MSH4: variants seen among roughly 807,000 people sequenced by gnomAD.
MSH4 encodes mutS protein homolog 4.
Under a neutral mutation model 113.7 loss-of-function variants are expected in MSH4, and 106 were observed. That is an observed-to-expected ratio of 0.93 (90% CI 0.80 to 1.10). The LOEUF is 1.10. Ranked by LOEUF, MSH4 falls within the 50% of genes least tolerant of loss-of-function variation. MSH4 has a pLI of 0.00. For synonymous variants in MSH4, 368 were observed against 380.2 expected (o/e 0.97, Z 0.37); for missense variants, 1,061 against 1,093.7 (o/e 0.97, Z 0.42).
chr1:75,858,689 C>G (rs1455877271), intron 8 of MSH4, among the ~76,000 whole-genome samples: 3 of 152,094 alleles, frequency 2.0e-5, no homozygotes, highest in African/African-American at 7.2e-5. Flanking sequence ...TGCGGATTCT[C>G]ACATTGATGT....
At chr1:75,815,261 C>G (rs1349895837) in intron 5 of MSH4, 125 bp downstream of exon 5, 2 of 521,698 alleles carry the variant, frequency 3.8e-6, no homozygotes, top group East Asian at 3.5e-5. Context: ...GGACTTTTGT[C>G]TGTTTTGTTC....
intron 13 of MSH4, 128 bp from the exon 14 acceptor site, chr1:75,881,118 T>C (rs547782085): frequency 4.4e-6 from 3 of 682,644 alleles, no homozygotes; most frequent in Admixed American, 7.2e-5. Flanking sequence ...ATAGGCTTTA[T>C]CTATAGTGTA....
chr1:75,904,817 A>G (rs538079137), intron 19 of MSH4, among the ~76,000 whole-genome samples: 4 of 152,104 alleles, frequency 2.6e-5, no homozygotes, highest in Non-Finnish European at 5.9e-5. Context: ...TCATGCTTCA[A>G]TCTTGGTAAG....
At position 75,796,923 on chromosome 1, in the gene MSH4, T is replaced by A; in HGVS notation, c.-63T>A. 6.3e-7 allele frequency: 1 copy of A among 1,598,752 alleles called. No individual in the cohort carries two copies. Among genetic ancestry groups the A allele is most frequent in the Non-Finnish European group, 8.5e-7 (1 of 1,171,176 alleles). ...CGTTTCAGCGGCGCAGCTTCTGTAG[T>A]TGGGCTACTGGAGGGGTCGCTCAGA... On this transcript the variant is annotated 5_prime_UTR_variant, in exon 1 of 20. In the 5' UTR this introduces an upstream ATG that the reference lacks. Coordinates refer to ENST00000263187, the MANE Select transcript of MSH4 (RefSeq NM_002440.4).
chr1:75,831,159 T>C (rs764649280), intron 7 of MSH4, among the ~76,000 whole-genome samples: 36 of 152,096 alleles, frequency 2.4e-4, no homozygotes, highest in Non-Finnish European at 4.6e-4. Flanking sequence ...ATAAAACAGA[T>C]TTTAAACCAA....
intron 17 of MSH4, among the ~76,000 whole-genome samples, chr1:75,892,695 G>A (rs949272864): frequency 3.3e-5 from 5 of 151,860 alleles, no homozygotes; most frequent in African/African-American, 9.7e-5. Flanking sequence ...TTGCCAGCTC[G>A]GGCCCCCACC....
chr1:75,884,774 C>CCTTAA (rs1652023485), intron 15 of MSH4, among the ~76,000 whole-genome samples: 1 of 151,408 alleles, frequency 6.6e-6, no homozygotes, highest in Admixed American at 6.6e-5. Context: ...ATAAATTCAC[C>CCTTAA]CTTAGTACTG....
intron 19 of MSH4, among the ~76,000 whole-genome samples, chr1:75,903,939 G>C (rs937356801): frequency 3.3e-5 from 5 of 152,024 alleles, no homozygotes; most frequent in African/African-American, 1.2e-4. Flanking sequence ...TCCCTGTTTT[G>C]TTCCAGAAGT....
chr1:75,828,533 A>T (rs1159982319), intron 7 of MSH4, among the ~76,000 whole-genome samples: 2 of 152,186 alleles, frequency 1.3e-5, no homozygotes, highest in Non-Finnish European at 2.9e-5. Flanking sequence ...GGAGGCCATT[A>T]TTCTAAGTGA....
chr1:75,912,873 A>G lies in MSH4; in HGVS notation c.2797A>G (p.Lys933Glu), dbSNP rs1227136387. 9 of 1,523,102 alleles carry G rather than the reference A, an allele frequency of 5.9e-6. No individual in the cohort carries two copies. The highest frequency in any genetic ancestry group is 7.0e-6 in the Non-Finnish European group (8 of 1,137,544). The allele number at this position is 1,523,102 out of a possible 1,614,324, so 94.3% of individuals were successfully genotyped here. ...TCCCAGGACTGAACAAGTTCCAGAA[A>G]AGACTGAAGAATAATCACAATTCTA... ...DFPRTEQVPE[K>E]TEE The change falls in exon 20 of 20, where the codon AAG becomes GAG. Residue 933 changes from lysine to glutamate, a missense_variant. By Grantham distance (56) the Lys-to-Glu change is moderately conservative. Coordinates refer to ENST00000263187, the MANE Select transcript of MSH4 (RefSeq NM_002440.4).
chr1:75,831,843 A>G (rs111802537), intron 7 of MSH4, among the ~76,000 whole-genome samples: 31,485 of 152,102 alleles, frequency 0.21, 3,813 homozygotes, highest in African/African-American at 0.3. Flanking sequence ...GGAAAGATCT[A>G]AAATTGACAC....
chr1:75,907,557 G>A (rs1328219178), intron 19 of MSH4, among the ~76,000 whole-genome samples: 4 of 151,074 alleles, frequency 2.6e-5, no homozygotes, highest in African/African-American at 9.7e-5. Context: ...TCTAGGTTTA[G>A]TAGGTTTTCC....
At chr1:75,907,709 T>TATATATATATATATATATATAC (rs1652697930) in intron 19 of MSH4, among the ~76,000 whole-genome samples, 1 of 133,914 alleles carries the variant, frequency 7.5e-6, no homozygotes, top group Non-Finnish European at 1.6e-5. Flanking sequence ...TATATATATA[T>TATATATATATATATATATATAC]ATATATATAT....
At chr1:75,891,358 T>TA (rs1652248719) in intron 17 of MSH4, among the ~76,000 whole-genome samples, 1 of 152,138 alleles carries the variant, frequency 6.6e-6, no homozygotes, top group African/African-American at 2.4e-5. Context: ...AAAACTGAAA[T>TA]AAAAATACTT....
At chr1:75,879,497 A>G (rs1162987621) in intron 12 of MSH4, among the ~76,000 whole-genome samples, 3 of 152,240 alleles carry the variant, frequency 2.0e-5, no homozygotes, top group Non-Finnish European at 4.4e-5. Context: ...TAATATTTCC[A>G]AACCTTTGTA....
intron 17 of MSH4, among the ~76,000 whole-genome samples, chr1:75,897,138 A>T (rs1037939201): frequency 6.6e-6 from 1 of 152,210 alleles, no homozygotes; most frequent in Non-Finnish European, 1.5e-5. Flanking sequence ...TATCTGCCTT[A>T]GTAAATTCTG....
Position 75,806,976 on chromosome 1 carries a change from T to C in MSH4, c.428-5T>C. On this transcript the variant is annotated splice_region_variant and splice_polypyrimidine_tract_variant and intron_variant, in intron 2 of 19. Transcript: ENST00000263187. ...TATATCTTTTCTTTATTTAAAAATT[T>C]ACAGCTTCATCCTCATCTGCGATTT... 1 of 1,551,204 alleles carries C rather than the reference T, an allele frequency of 6.4e-7. No homozygotes were observed.
At chr1:75,830,381 G>T (rs4335328) in intron 7 of MSH4, among the ~76,000 whole-genome samples, 11,022 of 152,220 alleles carry the variant, frequency 0.072, 530 homozygotes, top group African/African-American at 0.13. Flanking sequence ...TATTATCCAG[G>T]AGAACTTCCC....
chr1:75,818,110 C>A (rs941240655), intron 6 of MSH4, among the ~76,000 whole-genome samples: 1 of 152,182 alleles, frequency 6.6e-6, no homozygotes, highest in African/African-American at 2.4e-5. Flanking sequence ...TTTCTTTCTG[C>A]CCTCTTCTTA....
Sources: gnomAD v4.1 joint callset for allele counts (sites outside exome capture counted in the v4.1 genomes callset) on GRCh38, gnomAD v4.1.1 for gene constraint, MANE v1.5 for transcripts, NCBI Gene and HGNC (gene_info 2026-07-23, HGNC 2026-07-21) for gene names.